Variants in SNED1 observed in about 807,000 individuals in gnomAD.
SNED1 encodes the protein sushi, nidogen and EGF-like domain-containing protein 1.
A neutral mutation model predicts 166.7 loss-of-function variants in SNED1; 81 were observed. The ratio of observed to expected loss-of-function variants is 0.49; its 90% CI spans 0.41 to 0.58. The LOEUF is 0.58. Among genes scored for constraint, SNED1 ranks in the 20% least tolerant of loss-of-function variants. SNED1 has a pLI of 0.00. For synonymous variants in SNED1, 762 were observed against 822.0 expected, an observed-to-expected ratio of 0.93 and a Z score of 1.25; for missense variants, 1,604 against 2,000.2, an observed-to-expected ratio of 0.80 and a Z score of 3.78.
chr2:241,039,587 G>T (rs2061465175), intron 6 of SNED1, among the ~76,000 whole-genome samples: 1 of 152,036 alleles, frequency 6.6e-6, no homozygotes, highest in Admixed American at 6.5e-5. Flanking sequence ...AGTAACTGGG[G>T]GCCAGAGTCC....
At chr2:241,089,994 T>C in intron 31 of SNED1, 2 of 1,549,204 alleles carry the variant, frequency 1.3e-6, no homozygotes, top group Non-Finnish European at 1.7e-6. Context: ...GCAGGGCGCT[T>C]AGCGTAGCTG....
rs1052301635 is a variant in SNED1, at chr2:241,068,387, C to T, written c.3194+440C>T. Among the ~76,000 whole-genome samples the T allele has an allele frequency of 6.6e-6, 1 of 151,800 alleles. No individual in the cohort carries two copies. The highest frequency in any genetic ancestry group is 1.5e-5 in the Non-Finnish European group (1 of 67,966). ...AGCAGCCCCGAGCTCTCCCAGGAGT[C>T]CCACAGTGGACCCCTGTGATTTGGT... On this transcript the variant is annotated intron_variant, in intron 22 of 31. Coordinates refer to ENST00000310397, the MANE Select transcript of SNED1 (RefSeq NM_001080437.3). This position sits in a 1 kb window ranked among gnomAD's most constrained non-coding sequence, Gnocchi z 5.3.
chr2:241,073,780 C>A lies in SNED1; in HGVS notation c.3916+416C>A, dbSNP rs561377221. ...CAGAGGGAGCAGCCACTGGGCGAGC[C>A]CCAGCTTGAGGACTAGCTGGGCCCT... On this transcript the variant is annotated intron_variant, in intron 27 of 31. Coordinates refer to ENST00000310397, the MANE Select transcript of SNED1 (RefSeq NM_001080437.3). The surrounding 1 kb of genome is among the most constrained non-coding windows in gnomAD (Gnocchi z 6.6). 6.1e-6 allele frequency: 2 copies of A among 326,758 alleles called. No homozygotes were observed. The highest frequency in any genetic ancestry group is 4.2e-5 in the African/African-American group (2 of 47,918). The allele number at this position is 326,758 out of a possible 1,614,324, so 20.2% of individuals were successfully genotyped here.
At chr2:241,083,232 AT>A (rs1466554550) in intron 29 of SNED1, among the ~76,000 whole-genome samples, 6 of 152,112 alleles carry the variant, frequency 3.9e-5, no homozygotes, top group African/African-American at 1.4e-4. Context: ...TGGAGGAGGG[AT>A]GGACATTCCA....
intron 1 of SNED1, among the ~76,000 whole-genome samples, chr2:241,017,834 A>C (rs747217788): frequency 3.9e-5 from 6 of 152,244 alleles, no homozygotes; most frequent in Non-Finnish European, 7.3e-5. Context: ...GAGAGCCAGG[A>C]TGCAGCCTAA....
rs1429095635 is a variant in SNED1, at chr2:241,068,996, G to GCCA, written c.3283_3285dup (p.Thr1095dup). 2.6e-6 allele frequency: 4 copies of GCCA among 1,553,704 alleles called. No homozygotes were observed. On this transcript the variant is annotated inframe_insertion, in exon 23 of 32. Coordinates refer to ENST00000310397, the MANE Select transcript of SNED1 (RefSeq NM_001080437.3). The surrounding 1 kb of genome is among the most constrained non-coding windows in gnomAD (Gnocchi z 5.3). The stretch of plus-strand genomic sequence containing the variant: ...AGAGGAGCACCCCACAGAGAGCCTG[G>GCCA]CCACCGCGCCGACGCACGTGTGGAC...
rs1323225488 is a variant in SNED1, at chr2:241,030,684, C to G, written c.501+113C>G. On this transcript the variant is annotated intron_variant, in intron 2 of 31. Coordinates refer to ENST00000310397, the MANE Select transcript of SNED1 (RefSeq NM_001080437.3). ...GGTGTGGTGCAGTCACTGGTCCATA[C>G]CCAAGAGGGGAACACGTGGTCAAAA... 1.2e-5 allele frequency: 13 copies of G among 1,121,002 alleles called. No individual in the cohort carries two copies. In the East Asian group the frequency reaches 3.3e-4, roughly 29 times the overall value. The allele number at this position is 1,121,002 out of a possible 1,614,324, so 69.4% of individuals were successfully genotyped here. A position where few individuals can be genotyped will look rare whatever the true frequency, so the allele number is the denominator to read the frequency against.
chr2:241,011,360 G>T (rs555860476), intron 1 of SNED1, among the ~76,000 whole-genome samples: 1 of 151,820 alleles, frequency 6.6e-6, no homozygotes, highest in Non-Finnish European at 1.5e-5. Context: ...TCCCAGTGGC[G>T]CTGGGCAGGA....
chr2:241,030,546 T>C lies in SNED1; in HGVS notation c.476T>C (p.Phe159Ser), dbSNP rs758963923. ...VFVATWYRVT[F>S]FGGSSSSPVN... ...GTTGCCACCTGGTACCGAGTGACCT[T>C]CTTTGGAGGCAGTTCCTCATCCCCT... Residue 159 changes from phenylalanine to serine, a missense_variant, in exon 2 of 32, where the codon TTC becomes TCC. Phe to Ser is a radical substitution (Grantham distance 155, BLOSUM62 -2). Transcript: ENST00000310397. 1 of 1,613,774 alleles carries C rather than the reference T, an allele frequency of 6.2e-7. No homozygotes were observed. Among genetic ancestry groups the C allele is most frequent in the East Asian group, 2.2e-5 (1 of 44,878 alleles).
rs576164641 is a variant in SNED1 at position 241,032,569 on chromosome 2, G to T, written c.502-1166G>T. Among the ~76,000 whole-genome samples the T allele has an allele frequency of 6.6e-5, 10 of 152,094 alleles. No individual in the cohort carries two copies. In the East Asian group the frequency reaches 1.9e-3, roughly 29 times the overall value. On this transcript the variant is annotated intron_variant, in intron 2 of 31. Coordinates refer to ENST00000310397, the MANE Select transcript of SNED1 (RefSeq NM_001080437.3). ...GTAATGGGTGCAGCACACCAACATG[G>T]CACATGTATACATATGTAACAAACC...
intron 30 of SNED1, chr2:241,087,800 A>G: frequency 1.2e-6 from 1 of 805,162 alleles, no homozygotes; most frequent in Non-Finnish European, 1.7e-6. Context: ...TGGCCGATAT[A>G]GCGCGTCGCT....
At chr2:241,071,243 C>CCTGAGT (rs1311788689) in intron 24 of SNED1, among the ~76,000 whole-genome samples, 3 of 152,192 alleles carry the variant, frequency 2.0e-5, no homozygotes, top group Admixed American at 6.5e-5. Flanking sequence ...CAGCCTGGGA[C>CCTGAGT]CTGAGTCCGA....
chr2:241,072,435 A>C, intron 26 of SNED1: 1 of 358,696 alleles, frequency 2.8e-6, no homozygotes, highest in Non-Finnish European at 5.5e-6. Context: ...TGTTGGCAGG[A>C]GTGAGGCAGG....
chr2:241,040,836 A>T (rs1230670559), intron 8 of SNED1: 1 of 472,550 alleles, frequency 2.1e-6, no homozygotes, highest in East Asian at 6.9e-5. Flanking sequence ...TCAGAAAGAA[A>T]ACTGACCTTT....
intron 16 of SNED1, among the ~76,000 whole-genome samples, chr2:241,060,498 AAAAG>A (rs2062197558): frequency 6.6e-6 from 1 of 152,210 alleles, no homozygotes; most frequent in African/African-American, 2.4e-5. Context: ...ATAAACTTCT[AAAAG>A]AAAGAAATAC....
At chr2:241,011,187 T>G (rs2060387474) in intron 1 of SNED1, among the ~76,000 whole-genome samples, 6 of 139,750 alleles carry the variant, frequency 4.3e-5, no homozygotes, top group African/African-American at 1.4e-4. Context: ...GTCTCCTGGG[T>G]CTCCTGGGGG....
chr2:241,053,060 C>G, intron 15 of SNED1, 93 bp from the exon 16 acceptor site: 1 of 1,247,374 alleles, frequency 8.0e-7, no homozygotes, highest in Non-Finnish European at 1.1e-6. Flanking sequence ...CAGGACATCC[C>G]TGGGCCCTGC....
At chr2:241,067,982 G>T in intron 22 of SNED1, 35 bp downstream of exon 22, 3 of 1,508,752 alleles carry the variant, frequency 2.0e-6, no homozygotes, top group Non-Finnish European at 2.7e-6. Flanking sequence ...GGGCTGGGGT[G>T]AAGGCAGGGG....
intron 1 of SNED1, among the ~76,000 whole-genome samples, chr2:241,029,839 A>C (rs6755298): frequency 0.51 from 77,412 of 151,884 alleles, 20,070 homozygotes; most frequent in African/African-American, 0.6. Context: ...CCCGAAGCCC[A>C]CCTTGTGTGA....
Sources: allele counts gnomAD v4.1 joint callset (sites outside exome capture counted in the v4.1 genomes callset), GRCh38; gene constraint gnomAD v4.1.1; non-coding constraint Gnocchi (gnomAD v3.1); transcripts MANE v1.5; gene names NCBI Gene and HGNC (gene_info 2026-07-23, HGNC 2026-07-21).